CFAP96: variants seen among roughly 807,000 people sequenced by gnomAD.
CFAP96 encodes cilia-and flagella-associated protein 96.
At chr4:185,438,269 A>C in the CFAP96 span, among the ~76,000 whole-genome samples, 1 of 152,066 alleles carries the variant, frequency 6.6e-6, no homozygotes, top group South Asian at 2.1e-4. Flanking sequence ...TATTAACTTA[A>C]AAAAAAGTCC....
chr4:185,425,846 T>G, the CFAP96 span: 10 of 1,602,448 alleles, frequency 6.2e-6, no homozygotes, highest in Admixed American at 1.7e-5. Flanking sequence ...CAGGGGTCGG[T>G]GACGAGCAGA....
At chr4:185,430,138 C>T in the CFAP96 span, among the ~76,000 whole-genome samples, 4 of 152,096 alleles carry the variant, frequency 2.6e-5, no homozygotes, top group South Asian at 2.1e-4. Flanking sequence ...TTTACATTTG[C>T]GTCCAAGAAG....
At chr4:185,412,681 G>A in the CFAP96 span, among the ~76,000 whole-genome samples, 1 of 152,144 alleles carries the variant, frequency 6.6e-6, no homozygotes, top group East Asian at 1.9e-4. Flanking sequence ...AGGTGGAGCA[G>A]ACAGAGTAAA....
chr4:185,448,325 C>T, the CFAP96 span, among the ~76,000 whole-genome samples: 6 of 152,146 alleles, frequency 3.9e-5, no homozygotes, highest in African/African-American at 7.2e-5. Context: ...TGAGCCACTG[C>T]GCCCGGTCAG....
At chr4:185,444,960 G>A in the CFAP96 span, 35 of 1,540,040 alleles carry the variant, frequency 2.3e-5, no homozygotes, top group Admixed American at 2.0e-4. Context: ...GTTTTTCTTC[G>A]CAGCCTGGTG....
the CFAP96 span, chr4:185,425,829 A>C: frequency 6.3e-7 from 1 of 1,597,496 alleles, no homozygotes; most frequent in Non-Finnish European, 8.5e-7. Flanking sequence ...AAGTCCGGGG[A>C]AAAACACAGG....
chr4:185,426,054 G>A, the CFAP96 span: 28 of 651,022 alleles, frequency 4.3e-5, no homozygotes, highest in Non-Finnish European at 7.3e-5. Context: ...CGGCGAGGCG[G>A]GGCGGGTAGC....
At chr4:185,424,104 C>A in the CFAP96 span, among the ~76,000 whole-genome samples, 13 of 150,346 alleles carry the variant, frequency 8.6e-5, no homozygotes, top group South Asian at 2.7e-3. Context: ...GAGTTAGAGA[C>A]CAGACTGGGC....
At chr4:185,436,068 G>C in the CFAP96 span, 1 of 1,547,722 alleles carries the variant, frequency 6.5e-7, no homozygotes. Context: ...AAGCTACTAT[G>C]GAACAATAGG....
chr4:185,409,263 CAAAAAATAAA>C, the CFAP96 span, among the ~76,000 whole-genome samples: 4 of 152,092 alleles, frequency 2.6e-5, no homozygotes, highest in African/African-American at 9.6e-5. Context: ...AGTTAAGGGT[CAAAAAATAAA>C]GATAAATAAA....
At chr4:185,417,985 A>T in the CFAP96 span, among the ~76,000 whole-genome samples, 18 of 150,866 alleles carry the variant, frequency 1.2e-4, no homozygotes, top group African/African-American at 4.4e-4. Context: ...CGGAAGTTGC[A>T]GTGAGCCGAG....
chr4:185,446,849 T>A, the CFAP96 span, among the ~76,000 whole-genome samples: 1 of 152,232 alleles, frequency 6.6e-6, no homozygotes, highest in Non-Finnish European at 1.5e-5. Flanking sequence ...CCATCTAGTT[T>A]CAAACATTTG....
chr4:185,442,971 G>T, the CFAP96 span, among the ~76,000 whole-genome samples: 1 of 152,052 alleles, frequency 6.6e-6, no homozygotes, highest in African/African-American at 2.4e-5. Context: ...AGTGTGATTG[G>T]TCTGTATTTT....
At chr4:185,445,604 A>C in the CFAP96 span, 1 of 1,058,528 alleles carries the variant, frequency 9.4e-7, no homozygotes, top group Non-Finnish European at 1.4e-6. Context: ...ATGCTTTGAG[A>C]AAAAGTATAT....
At chr4:185,447,342 C>A in the CFAP96 span, among the ~76,000 whole-genome samples, 1 of 151,788 alleles carries the variant, frequency 6.6e-6, no homozygotes, top group Admixed American at 6.6e-5. Flanking sequence ...CCACCACGCC[C>A]GGCTAATTTT....
chr4:185,415,364 A>T, the CFAP96 span: 1 of 1,546,676 alleles, frequency 6.5e-7, no homozygotes, highest in Admixed American at 2.3e-5. Flanking sequence ...GGGGAAATAT[A>T]TAAGTGTATT....
chr4:185,425,778 C>T, the CFAP96 span: 1 of 1,551,198 alleles, frequency 6.4e-7, no homozygotes, highest in Non-Finnish European at 8.7e-7. Flanking sequence ...GCAGGACCAG[C>T]TCCTTTCAGG....
chr4:185,430,949 C>T, the CFAP96 span, among the ~76,000 whole-genome samples: 930 of 151,970 alleles, frequency 6.1e-3, 15 homozygotes, highest in South Asian at 0.055. Flanking sequence ...TGGTGGCTCT[C>T]GCCTGTAATC....
At chr4:185,433,494 A>C in the CFAP96 span, among the ~76,000 whole-genome samples, 2 of 151,728 alleles carry the variant, frequency 1.3e-5, no homozygotes, top group African/African-American at 2.4e-5. Flanking sequence ...ACCGAAGTCT[A>C]ATTTTGTGCT....
Sources: gnomAD v4.1 joint callset for allele counts (sites outside exome capture counted in the v4.1 genomes callset) on GRCh38, gnomAD v4.1.1 for gene constraint, MANE v1.5 for transcripts, NCBI Gene and HGNC (gene_info 2026-07-23, HGNC 2026-07-21) for gene names.